Variants in DCC observed in about 807,000 individuals in gnomAD.
DCC encodes DCC netrin 1 receptor.
Under a neutral mutation model 172.5 loss-of-function variants are expected in DCC, and 58 were observed. The observed-to-expected ratio is 0.34, with a 90% CI of 0.27 to 0.42. DCC has a LOEUF of 0.42. Ranked by LOEUF, DCC falls within the 10% of genes least tolerant of loss-of-function variation. The pLI is 1.00. For missense variants in DCC, 1,740 were observed against 1,791.0 expected (o/e 0.97, Z 0.51); for synonymous variants, 709 against 644.5 (o/e 1.10, Z -1.52).
At chr18:53,249,958 C>A (rs749669931) in intron 12 of DCC, among the ~76,000 whole-genome samples, 1 of 151,942 alleles carries the variant, frequency 6.6e-6, no homozygotes, top group Non-Finnish European at 1.5e-5. Context: ...ACAGAATACT[C>A]TGCTCAAATT....
rs1323351233 is a variant in DCC at position 53,456,820 on chromosome 18, T to G, written c.3393-2412T>G. Among the ~76,000 whole-genome samples the G allele has an allele frequency of 2.0e-5, 3 of 152,202 alleles. No individual in the cohort carries two copies. In the East Asian group the frequency reaches 5.8e-4, roughly 29 times the overall value. ...CGTGGGCTGCAATGAGCAGCAGTCGTGTCAAGAACCAACAGATGGGCAGAA... is the reference window on the plus strand; with the variant it reads ...CGTGGGCTGCAATGAGCAGCAGTCGGGTCAAGAACCAACAGATGGGCAGAA... On this transcript the variant is annotated intron_variant, in intron 23 of 28. Transcript: ENST00000442544.
intron 7 of DCC, among the ~76,000 whole-genome samples, chr18:53,089,695 C>G (rs1263944138): frequency 6.6e-6 from 1 of 152,128 alleles, no homozygotes; most frequent in Non-Finnish European, 1.5e-5. Context: ...CAAGTCATCC[C>G]TATTATATAG....
Position 53,149,228 on chromosome 18 carries a change from T to C in DCC, c.1262-8128T>C, listed in dbSNP as rs2043963470. ...CATTAAGAAACTGGACGAGCAGAAATAGGCTTTCTGCTCTCAAGATCTAAA... is the reference window on the plus strand; with the variant it reads ...CATTAAGAAACTGGACGAGCAGAAACAGGCTTTCTGCTCTCAAGATCTAAA... On this transcript the variant is annotated intron_variant, in intron 7 of 28. Coordinates refer to ENST00000442544, the MANE Select transcript of DCC (RefSeq NM_005215.4). 2.0e-5 allele frequency among the ~76,000 whole-genome samples: 3 copies of C among 152,076 alleles called. 1 individual carries two copies. Among genetic ancestry groups the C allele is most frequent in the South Asian group, 4.2e-4 (2 of 4,814 alleles).
At chr18:53,517,525 G>T (rs917887221) in intron 27 of DCC, among the ~76,000 whole-genome samples, 8 of 151,712 alleles carry the variant, frequency 5.3e-5, no homozygotes, top group Non-Finnish European at 1.2e-4. Flanking sequence ...GCCCAAGCAG[G>T]TTTAAAAACT....
chr18:53,240,777 C>A (rs777843060), intron 12 of DCC, among the ~76,000 whole-genome samples: 3 of 152,116 alleles, frequency 2.0e-5, no homozygotes, highest in African/African-American at 7.2e-5. Flanking sequence ...CCATTTTTCT[C>A]TGAGGCTATG....
chr18:53,428,133 AAT>A (rs1374984477), intron 21 of DCC, among the ~76,000 whole-genome samples: 1 of 55,522 alleles, frequency 1.8e-5, no homozygotes, highest in East Asian at 4.5e-4. Flanking sequence ...TATATAATAT[AAT>A]ATAATAATAT....
intron 15 of DCC, among the ~76,000 whole-genome samples, chr18:53,378,820 G>C (rs557496670): frequency 3.3e-4 from 50 of 152,248 alleles, no homozygotes; most frequent in African/African-American, 1.2e-3. Flanking sequence ...GCTGGTATCT[G>C]CAAGACTGAT....
At chr18:52,540,048 A>T (rs2032394733) in intron 1 of DCC, among the ~76,000 whole-genome samples, 1 of 152,192 alleles carries the variant, frequency 6.6e-6, no homozygotes, top group Non-Finnish European at 1.5e-5. Context: ...TTGATACAGT[A>T]GAATGATTCC....
intron 21 of DCC, among the ~76,000 whole-genome samples, chr18:53,427,363 A>G (rs1444882444): frequency 6.6e-6 from 1 of 152,156 alleles, no homozygotes; most frequent in Non-Finnish European, 1.5e-5. Context: ...AGAGACCACC[A>G]TCTACCACCA....
chr18:53,049,184 T>C (rs1275748620), intron 5 of DCC, among the ~76,000 whole-genome samples: 1 of 149,960 alleles, frequency 6.7e-6, no homozygotes, highest in East Asian at 2.0e-4. Context: ...CTCTTTAGTT[T>C]AATTAGGTTC....
chr18:52,618,610 G>T (rs1440723356), intron 1 of DCC, among the ~76,000 whole-genome samples: 2 of 152,090 alleles, frequency 1.3e-5, no homozygotes, highest in Non-Finnish European at 1.5e-5. Context: ...ACATGGCTTT[G>T]TTTTTCTCAC....
intron 15 of DCC, among the ~76,000 whole-genome samples, chr18:53,382,940 A>C (rs1159770957): frequency 6.6e-6 from 1 of 152,166 alleles, no homozygotes; most frequent in Non-Finnish European, 1.5e-5. Flanking sequence ...ATAGATGTCT[A>C]TCAGAGATAA....
Position 53,308,143 on chromosome 18 carries a change from A to G in DCC, c.2053+2424A>G, listed in dbSNP as rs188118000. 3.9e-3 allele frequency among the ~76,000 whole-genome samples: 586 copies of G among 151,602 alleles called. 1 individual carries two copies. Among genetic ancestry groups the G allele is most frequent in the Non-Finnish European group, 6.2e-3 (422 of 67,816 alleles). On this transcript the variant is annotated intron_variant, in intron 13 of 28. Coordinates refer to ENST00000442544, the MANE Select transcript of DCC (RefSeq NM_005215.4). Reference sequence around the variant, plus strand: ...TAGCTAATAGTGTTTTTGAAAACCTAAATATCCAACTATAGGAAGTTACCT... The same window carrying G: ...TAGCTAATAGTGTTTTTGAAAACCTGAATATCCAACTATAGGAAGTTACCT...
intron 1 of DCC, among the ~76,000 whole-genome samples, chr18:52,656,570 G>T (rs188868958): frequency 2.3e-3 from 351 of 152,230 alleles, no homozygotes; most frequent in African/African-American, 8.2e-3. Flanking sequence ...CACATATTAT[G>T]TGACATGTGA....
chr18:53,339,669 TTC>T, intron 14 of DCC, 42 bp from the exon 15 acceptor site: 1 of 1,489,426 alleles, frequency 6.7e-7, no homozygotes, highest in Non-Finnish European at 9.4e-7. Flanking sequence ...GTGCTACATT[TTC>T]TGTTATGAGA....
chr18:52,540,639 C>T (rs1465709513), intron 1 of DCC, among the ~76,000 whole-genome samples: 55 of 93,718 alleles, frequency 5.9e-4, no homozygotes, highest in African/African-American at 2.1e-3. Context: ...CTGAGTCTTG[C>T]TCTTTCGCCC....
intron 27 of DCC, among the ~76,000 whole-genome samples, chr18:53,526,117 A>ATGAT (rs995230822): frequency 3.0e-5 from 4 of 134,966 alleles, no homozygotes; most frequent in Admixed American, 7.3e-5. Context: ...AGAATTAAAA[A>ATGAT]TGATAGTCTA....
intron 8 of DCC, among the ~76,000 whole-genome samples, chr18:53,168,924 G>T (rs1598869341): frequency 2.0e-5 from 3 of 152,232 alleles, no homozygotes; most frequent in South Asian, 2.1e-4. Context: ...TGGGCATGGA[G>T]TTGACAGGTT....
chr18:53,249,207 A>G (rs2056399757), intron 12 of DCC, among the ~76,000 whole-genome samples: 1 of 151,972 alleles, frequency 6.6e-6, no homozygotes, highest in Non-Finnish European at 1.5e-5. Context: ...GGTTCACTAC[A>G]TTGTCAATTT....
Sources: allele counts gnomAD v4.1 joint callset (sites outside exome capture counted in the v4.1 genomes callset), GRCh38; gene constraint gnomAD v4.1.1; transcripts MANE v1.5; gene names NCBI Gene and HGNC (gene_info 2026-07-23, HGNC 2026-07-21).